The following CPTP variants were observed in gnomAD, a reference collection of about 807,000 sequenced individuals.
CPTP encodes ceramide-1-phosphate transfer protein, also known as GLTP domain-containing protein 1.
In CPTP, 5 loss-of-function variants were observed where a neutral mutation model predicts 5.7. The ratio of observed to expected loss-of-function variants is 0.88; its 90% CI spans 0.46 to 1.86. The LOEUF is 1.86. Among genes scored for constraint, CPTP ranks in the 40% most tolerant of loss-of-function variants. CPTP has a pLI of 0.01. For missense variants in CPTP, 335 were observed against 306.5 expected, an observed-to-expected ratio of 1.09 and a Z score of -0.69; for synonymous variants, 166 against 142.7, an observed-to-expected ratio of 1.16 and a Z score of -1.16.
Position 1,324,829 on chromosome 1 carries a change from G to C in CPTP, c.-349G>C, listed in dbSNP as rs952125559. On this transcript the variant is annotated 5_prime_UTR_variant, in exon 1 of 3. Transcript: ENST00000343938. ...GGCCCGCACGGCGGCTACGGCCTAG[G>C]TGAGCGGCTCGGACTCGGCGGCCGC... 2.0e-6 allele frequency: 1 copy of C among 500,610 alleles called. No homozygotes were observed. Among genetic ancestry groups the C allele is most frequent in the East Asian group, 3.7e-5 (1 of 27,372 alleles). The allele number at this position is 500,610 out of a possible 1,614,324, so 31.0% of individuals were successfully genotyped here. A position where few individuals can be genotyped will look rare whatever the true frequency, so the allele number is the denominator to read the frequency against.
At position 1,327,610 on chromosome 1, in the gene CPTP, G is replaced by T; in HGVS notation, c.492G>T (p.Thr164=). Reference sequence around the variant, plus strand: ...GCGCCGTCACCGTGGCCTTCTGCACGCTGCCCACACGCGAGGTCTTCCTGG... The same window carrying T: ...GCGCCGTCACCGTGGCCTTCTGCACTCTGCCCACACGCGAGGTCTTCCTGG... The part of the protein sequence containing the change: ...VRRAVTVAFC[T]LPTREVFLEA... The change falls in exon 3 of 3, where the codon ACG becomes ACT. Residue 164 remains threonine, a synonymous_variant. Transcript: ENST00000343938. 6.2e-7 allele frequency: 1 copy of T among 1,611,918 alleles called. No individual in the cohort carries two copies. The highest frequency in any genetic ancestry group is 8.5e-7 in the Non-Finnish European group (1 of 1,179,656).
At position 1,328,333 on chromosome 1, in the gene CPTP, C is replaced by T. The variant is rs1287955177; in HGVS notation, c.*570C>T. 6.3e-6 allele frequency: 1 copy of T among 158,192 alleles called. No homozygotes were observed. The highest frequency in any genetic ancestry group is 2.4e-5 in the African/African-American group (1 of 41,486). The allele number at this position is 158,192 out of a possible 1,614,324, so 9.8% of individuals were successfully genotyped here. On this transcript the variant is annotated 3_prime_UTR_variant, in exon 3 of 3. Transcript: ENST00000343938. ...CTGGGCACTGTGGGGCTCTCCCCGC[C>T]TCTCCTGCCTTGTTTGCCCCTCAGC...
Position 1,327,554 on chromosome 1 carries a change from C to T in CPTP, c.436C>T (p.Leu146=). 1 of 1,597,346 alleles carries T rather than the reference C, an allele frequency of 6.3e-7. No homozygotes were observed. The highest frequency in any genetic ancestry group is 8.5e-7 in the Non-Finnish European group (1 of 1,173,238). The change falls in exon 3 of 3, where the codon CTG becomes TTG. Residue 146 remains leucine (L), a synonymous_variant. Coordinates refer to ENST00000343938, the MANE Select transcript of CPTP (RefSeq NM_001029885.2). ...CTGCGCCGACTCCTACAACGCCTCG[C>T]TGGCCGCCTACCACCCCTGGGTCGT... The part of the protein sequence containing the change: ...ALCADSYNAS[L]AAYHPWVVRR...
chr1:1,326,895 C>A lies in CPTP; in HGVS notation c.-16C>A. On this transcript the variant is annotated 5_prime_UTR_variant, in exon 2 of 3. Transcript: ENST00000343938. ...ACAGCCCCCCAGCCCTACTGTATTT[C>A]CGTTCCTATCAAAAAATGGATGACT... 1 of 1,613,690 alleles carries A rather than the reference C, an allele frequency of 6.2e-7. No homozygotes were observed. The highest frequency in any genetic ancestry group is 8.5e-7 in the Non-Finnish European group (1 of 1,179,954).
Position 1,327,763 on chromosome 1 carries a change from G to A in CPTP, c.645G>A (p.Ter215=), listed in dbSNP as rs1643343841. The change falls in exon 3 of 3, where the codon TAG becomes TAA. Residue 215 remains the stop codon, a stop_retained_variant. Coordinates refer to ENST00000343938, the MANE Select transcript of CPTP (RefSeq NM_001029885.2). The stretch of plus-strand genomic sequence containing the variant: ...AGCACTCCCTGCTGGACCTGCCCTA[G>A]GGGCGGGAAGCCAGGGCCGCACCGG... ...YAEHSLLDLP[*] is the part of the protein sequence containing the mutation. The A allele has an allele frequency of 1.2e-6, 2 of 1,611,214 alleles. No individual in the cohort carries two copies. Among genetic ancestry groups the A allele is most frequent in the African/African-American group, 1.3e-5 (1 of 74,944 alleles).
At position 1,327,915 on chromosome 1, in the gene CPTP, CTG is replaced by C. The variant is rs1643346585; in HGVS notation, c.*155_*156del. On this transcript the variant is annotated 3_prime_UTR_variant, in exon 3 of 3. Transcript: ENST00000343938. Reference sequence around the variant, plus strand: ...AGCTGAGCTGGTTAGGAACCACAGACTGTGACAGAGAAGGTGGCGACCAGCCC... The same window carrying C: ...AGCTGAGCTGGTTAGGAACCACAGACTGACAGAGAAGGTGGCGACCAGCCC... 9.1e-6 allele frequency: 8 copies of C among 877,428 alleles called. No homozygotes were observed. Among genetic ancestry groups the C allele is most frequent in the East Asian group, 2.6e-5 (1 of 38,336 alleles). 54.4% of individuals were successfully genotyped at this position (877,428 alleles called of 1,614,324 possible). A position where few individuals can be genotyped will look rare whatever the true frequency, so the allele number is the denominator to read the frequency against.
chr1:1,325,413 A>T (rs2100664545), intron 1 of CPTP: 1 of 152,312 alleles, frequency 6.6e-6, no homozygotes, highest in African/African-American at 2.4e-5. Context: ...CACTGGCTCG[A>T]ATCTGGGCAG....
chr1:1,326,562 G>A (rs1308699169), intron 1 of CPTP, among the ~76,000 whole-genome samples: 1 of 152,252 alleles, frequency 6.6e-6, no homozygotes, highest in East Asian at 1.9e-4. Flanking sequence ...ACCTGCTGCA[G>A]ACAGCGGGGC....
chr1:1,327,821 A>T lies in CPTP; in HGVS notation c.*58A>T. On this transcript the variant is annotated 3_prime_UTR_variant, in exon 3 of 3. Transcript: ENST00000343938. ...GCTGCAGATCTGGGCTGCGGTGGCC[A>T]GGGCCGTGAGTCCCGTGGCAGAGCC... is the stretch of plus-strand genomic sequence containing the variant. 5 of 1,579,032 alleles carry T rather than the reference A, an allele frequency of 3.2e-6. No individual in the cohort carries two copies. In the South Asian group the frequency reaches 5.5e-5, roughly 18 times the overall value.
chr1:1,327,434 CG>C lies in CPTP; in HGVS notation c.318del (p.Thr107ArgfsTer69). 6.3e-7 allele frequency: 1 copy of C among 1,582,768 alleles called. No homozygotes were observed. The highest frequency in any genetic ancestry group is 8.5e-7 in the Non-Finnish European group (1 of 1,170,786). ...RRSHHPESGC[R>X]TVLRLHRALH... is the part of the protein sequence containing the mutation. ...CTCCCACCACCCGGAGTCTGGCTGC[CG>C]GACGGTGCTGCGCCTGCACCGCGCC... On this transcript the variant is annotated frameshift_variant, in exon 3 of 3. Transcript: ENST00000343938. LOFTEE classifies it low-confidence loss of function (END_TRUNC).
At position 1,327,018 on chromosome 1, in the gene CPTP, G is replaced by A; in HGVS notation, c.108G>A (p.Trp36Ter). 1 of 1,613,310 alleles carries A rather than the reference G, an allele frequency of 6.2e-7. No individual in the cohort carries two copies. Among genetic ancestry groups the A allele is most frequent in the Non-Finnish European group, 8.5e-7 (1 of 1,179,994 alleles). ...EVLLDPYIAS[W>*]KGLVRFLNSL... The stretch of plus-strand genomic sequence containing the variant: ...TGCTGGACCCCTACATTGCCAGCTG[G>A]AAGGGCCTGGTCAGGTGCGTGTGCC... The change falls in exon 2 of 3, where the codon TGG (tryptophan) becomes TGA (stop). Residue 36 changes from tryptophan (W) to a stop codon, truncating the protein, a stop_gained. Transcript: ENST00000343938. LOFTEE classifies it low-confidence loss of function (END_TRUNC).
chr1:1,326,725 G>A, intron 1 of CPTP, 111 bp from the exon 2 acceptor site: 1 of 699,962 alleles, frequency 1.4e-6, no homozygotes, highest in East Asian at 2.9e-5. Context: ...AGAGCCTGCG[G>A]CTTGGCTGGG....
Position 1,327,755 on chromosome 1 carries a change from C to G in CPTP, c.637C>G (p.Leu213Val), listed in dbSNP as rs1398332185. 1.2e-6 allele frequency: 2 copies of G among 1,611,894 alleles called. No individual in the cohort carries two copies. Among genetic ancestry groups the G allele is most frequent in the East Asian group, 2.2e-5 (1 of 44,880 alleles). Residue 213 changes from leucine to valine, a missense_variant, in exon 3 of 3, where the codon CTG becomes GTG. By Grantham distance (32) the Leu-to-Val change is conservative. Coordinates refer to ENST00000343938, the MANE Select transcript of CPTP (RefSeq NM_001029885.2). The stretch of plus-strand genomic sequence containing the variant: ...CTACGCCGAGCACTCCCTGCTGGAC[C>G]TGCCCTAGGGGCGGGAAGCCAGGGC... ...KLYAEHSLLD[L>V]P
rs541137745 is a variant in CPTP, at chr1:1,328,017, G to A, written c.*254G>A. The A allele has an allele frequency of 6.7e-5, 38 of 569,292 alleles. No individual in the cohort carries two copies. Among genetic ancestry groups the A allele is most frequent in the Admixed American group, 1.6e-4 (5 of 31,286 alleles). The allele number at this position is 569,292 out of a possible 1,614,324, so 35.3% of individuals were successfully genotyped here. On this transcript the variant is annotated 3_prime_UTR_variant, in exon 3 of 3. Coordinates refer to ENST00000343938, the MANE Select transcript of CPTP (RefSeq NM_001029885.2). ...CCCCCTCGGCCTATTACACGCGTGC[G>A]CAGCCAGGCCTCGCCAGGGTGCGGT... is the stretch of plus-strand genomic sequence containing the variant.
At position 1,328,546 on chromosome 1, in the gene CPTP, C is replaced by G. The variant is rs919469778; in HGVS notation, c.*783C>G. 1 of 152,856 alleles carries G rather than the reference C, an allele frequency of 6.5e-6. No individual in the cohort carries two copies. Among genetic ancestry groups the G allele is most frequent in the Non-Finnish European group, 1.5e-5 (1 of 68,404 alleles). 9.5% of individuals were successfully genotyped at this position (152,856 alleles called of 1,614,324 possible). A position where few individuals can be genotyped will look rare whatever the true frequency, so the allele number is the denominator to read the frequency against. ...CTGCACAGCCCAGCCCAGCCCAAGG[C>G]CCCCAGGAGCTGGGACTCTGCTACA... is the stretch of plus-strand genomic sequence containing the variant. On this transcript the variant is annotated 3_prime_UTR_variant, in exon 3 of 3. Transcript: ENST00000343938.
rs969732752 is a variant in CPTP at position 1,325,754 on chromosome 1, G to A, written c.-76+652G>A. On this transcript the variant is annotated intron_variant, in intron 1 of 2. Coordinates refer to ENST00000343938, the MANE Select transcript of CPTP (RefSeq NM_001029885.2). ...AGCCCATGATCCCTAGTGATGAAGGGCCCAGTCCTAGGGTGCTGAGCAACC... is the reference window on the plus strand; with the variant it reads ...AGCCCATGATCCCTAGTGATGAAGGACCCAGTCCTAGGGTGCTGAGCAACC... Among the ~76,000 whole-genome samples the A allele has an allele frequency of 1.2e-4, 18 of 152,178 alleles. 1 individual carries two copies. In the East Asian group the frequency reaches 3.1e-3, roughly 26 times the overall value.
Position 1,324,890 on chromosome 1 carries a change from C to G in CPTP, c.-288C>G. 1 of 396,630 alleles carries G rather than the reference C, an allele frequency of 2.5e-6. No homozygotes were observed. Among genetic ancestry groups the G allele is most frequent in the Non-Finnish European group, 4.5e-6 (1 of 222,812 alleles). The allele number at this position is 396,630 out of a possible 1,614,324, so 24.6% of individuals were successfully genotyped here. A position where few individuals can be genotyped will look rare whatever the true frequency, so the allele number is the denominator to read the frequency against. On this transcript the variant is annotated 5_prime_UTR_variant, in exon 1 of 3. Coordinates refer to ENST00000343938, the MANE Select transcript of CPTP (RefSeq NM_001029885.2). ...CCCAACCCGCACGGTCCGGAAGTCG[C>G]CGAGGGGCCGGGAGCGGGAGGGGAC...
intron 1 of CPTP, among the ~76,000 whole-genome samples, 158 bp from the exon 2 acceptor site, chr1:1,326,678 C>A (rs547796859): frequency 6.6e-6 from 1 of 152,170 alleles, no homozygotes; most frequent in Non-Finnish European, 1.5e-5. Context: ...CCTGAATGCG[C>A]AATCCTGATG....
rs779670345 is a variant in CPTP at position 1,325,034 on chromosome 1, CCT to C, written c.-140_-139del. 42 of 179,844 alleles carry C rather than the reference CCT, an allele frequency of 2.3e-4. No homozygotes were observed. The highest frequency in any genetic ancestry group is 4.3e-4 in the Non-Finnish European group (37 of 86,760). 11.1% of individuals were successfully genotyped at this position (179,844 alleles called of 1,614,324 possible). ...CCCCGGGCCTCCGCCCCTTCCTGGG[CCT>C]CTCGGTGGAGCAGGGACCCGAACCG... On this transcript the variant is annotated 5_prime_UTR_variant, in exon 1 of 3. Coordinates refer to ENST00000343938, the MANE Select transcript of CPTP (RefSeq NM_001029885.2).
Sources: gnomAD v4.1 joint callset for allele counts (sites outside exome capture counted in the v4.1 genomes callset) on GRCh38, gnomAD v4.1.1 for gene constraint, MANE v1.5 for transcripts, NCBI Gene and HGNC (gene_info 2026-07-23, HGNC 2026-07-21) for gene names.